The following CDH6 variants were observed in gnomAD, a reference collection of about 807,000 sequenced individuals.
CDH6 encodes cadherin-6.
CDH6 carries 31 observed loss-of-function variants against 78.0 expected under a neutral mutation model. That is an observed-to-expected ratio of 0.40 (90% CI 0.30 to 0.54). CDH6 has a LOEUF of 0.54. CDH6 is among the 20% of genes least tolerant of loss of function. CDH6 has a pLI of 0.56. For missense variants in CDH6, 724 were observed against 975.9 expected, an observed-to-expected ratio of 0.74 and a Z score of 3.44; for synonymous variants, 376 against 368.8, an observed-to-expected ratio of 1.02 and a Z score of -0.23.
chr5:31,325,343 C>CGTGT lies in CDH6; in HGVS notation c.*2035_*2036insGTGT, dbSNP rs1427901398. 4 of 232,188 alleles carry CGTGT rather than the reference C, an allele frequency of 1.7e-5. No individual in the cohort carries two copies. The highest frequency in any genetic ancestry group is 8.9e-5 in the African/African-American group (4 of 45,166). 14.4% of individuals were successfully genotyped at this position (232,188 alleles called of 1,614,324 possible). A position where few individuals can be genotyped will look rare whatever the true frequency, so the allele number is the denominator to read the frequency against. ...ACATACACACACACACACACACACA[C>CGTGT]ACACACACACACGAATGCAAACAAA... On this transcript the variant is annotated 3_prime_UTR_variant, in exon 12 of 12. Transcript: ENST00000265071.
chr5:31,247,237 A>T (rs544987527), intron 1 of CDH6, among the ~76,000 whole-genome samples: 2 of 152,338 alleles, frequency 1.3e-5, no homozygotes, highest in African/African-American at 2.4e-5. Context: ...GCTAGTAGGT[A>T]TCTGCTCCTC....
intron 1 of CDH6, among the ~76,000 whole-genome samples, chr5:31,263,214 T>C (rs1377575175): frequency 6.6e-6 from 1 of 151,562 alleles, no homozygotes; most frequent in East Asian, 1.9e-4. Context: ...TAGTATCACA[T>C]GGTGAGGGGG....
intron 2 of CDH6, among the ~76,000 whole-genome samples, chr5:31,276,193 AAAG>A (rs1431258795): frequency 3.9e-5 from 6 of 152,170 alleles, no homozygotes; most frequent in Non-Finnish European, 7.3e-5. Flanking sequence ...TGAAGATCAA[AAAG>A]AAGTACAGAA....
intron 2 of CDH6, among the ~76,000 whole-genome samples, chr5:31,278,182 CA>C (rs1742751723): frequency 6.6e-6 from 1 of 152,228 alleles, no homozygotes; most frequent in African/African-American, 2.4e-5. Flanking sequence ...ATTAGCTTAA[CA>C]ATGGAAAATC....
chr5:31,289,289 A>G (rs1331071718), intron 2 of CDH6, among the ~76,000 whole-genome samples: 2 of 152,170 alleles, frequency 1.3e-5, no homozygotes, highest in Admixed American at 6.5e-5. Context: ...TGTTACTGCA[A>G]AGGACATGAT....
chr5:31,250,690 C>T, intron 1 of CDH6: 1 of 152,776 alleles, frequency 6.5e-6, no homozygotes, highest in Non-Finnish European at 1.5e-5. Context: ...GCAGTGGTGG[C>T]ACAAGGGGCC....
intron 1 of CDH6, among the ~76,000 whole-genome samples, chr5:31,211,337 T>C (rs1023050283): frequency 1.3e-5 from 2 of 152,106 alleles, no homozygotes; most frequent in African/African-American, 4.8e-5. Flanking sequence ...TGTTCTGAAG[T>C]GCTTCTTAAG....
At chr5:31,302,848 GAA>G (rs1445540542) in intron 6 of CDH6, among the ~76,000 whole-genome samples, 3 of 131,526 alleles carry the variant, frequency 2.3e-5, no homozygotes, top group Admixed American at 7.8e-5. Flanking sequence ...AAGAAAGAAA[GAA>G]AGAGAAAGAA....
chr5:31,300,159 A>G (rs1737727585), intron 5 of CDH6, among the ~76,000 whole-genome samples: 1 of 152,240 alleles, frequency 6.6e-6, no homozygotes, highest in Non-Finnish European at 1.5e-5. Flanking sequence ...TGTCTCCAAA[A>G]TCATTAACTC....
At chr5:31,321,424 C>G (rs1330838998) in intron 11 of CDH6, among the ~76,000 whole-genome samples, 1 of 152,072 alleles carries the variant, frequency 6.6e-6, no homozygotes, top group Non-Finnish European at 1.5e-5. Context: ...TTAGTCTGAC[C>G]AACCTGAATT....
intron 2 of CDH6, among the ~76,000 whole-genome samples, chr5:31,282,401 C>T (rs1343977300): frequency 6.6e-6 from 1 of 152,068 alleles, no homozygotes; most frequent in East Asian, 1.9e-4. Flanking sequence ...CTCTCTCTTT[C>T]TCTCTTCCTC....
At chr5:31,305,919 G>C (rs1047250576) in intron 7 of CDH6, among the ~76,000 whole-genome samples, 3 of 152,042 alleles carry the variant, frequency 2.0e-5, no homozygotes, top group African/African-American at 7.2e-5. Flanking sequence ...TGGATACACA[G>C]GGCTGACTGA....
chr5:31,267,506 T>C lies in CDH6; in HGVS notation c.33T>C (p.Phe11=). MRTYRYFLLL[F]WVGQPYPTLS... ...CTTACCGCTACTTCTTGCTGCTCTT[T>C]TGGGTGGGCCAGCCCTACCCAACTC... Residue 11 remains phenylalanine, a synonymous_variant, in exon 2 of 12, where the codon TTT becomes TTC. Coordinates refer to ENST00000265071, the MANE Select transcript of CDH6 (RefSeq NM_004932.4). The C allele has an allele frequency of 1.2e-6, 2 of 1,614,050 alleles. No homozygotes were observed. Among genetic ancestry groups the C allele is most frequent in the Non-Finnish European group, 1.7e-6 (2 of 1,180,012 alleles).
intron 2 of CDH6, among the ~76,000 whole-genome samples, chr5:31,268,528 A>G (rs1355852823): frequency 6.6e-6 from 1 of 152,218 alleles, no homozygotes; most frequent in African/African-American, 2.4e-5. Context: ...CTGCATACTG[A>G]AAAGATGTCA....
At chr5:31,217,647 A>G (rs1740903759) in intron 1 of CDH6, among the ~76,000 whole-genome samples, 1 of 152,124 alleles carries the variant, frequency 6.6e-6, no homozygotes, top group African/African-American at 2.4e-5. Context: ...CCCTAACCTC[A>G]AAGAACTGAA....
chr5:31,245,943 C>T (rs1054000072), intron 1 of CDH6, among the ~76,000 whole-genome samples: 3 of 122,698 alleles, frequency 2.4e-5, no homozygotes, highest in Non-Finnish European at 3.2e-5. Context: ...GAGTTTTGCT[C>T]GTCACCCAGG....
rs1362860998 is a variant in CDH6, at chr5:31,324,604, G to A, written c.*1296G>A. Reference sequence around the variant, plus strand: ...TCAAAAGCATTAATTTTTTTTCATTGTTTTTAACTTTGCTTTCATGACCAT... The same window carrying A: ...TCAAAAGCATTAATTTTTTTTCATTATTTTTAACTTTGCTTTCATGACCAT... On this transcript the variant is annotated 3_prime_UTR_variant, in exon 12 of 12. Transcript: ENST00000265071. 4.7e-6 allele frequency: 1 copy of A among 211,204 alleles called. No homozygotes were observed. The highest frequency in any genetic ancestry group is 9.6e-6 in the Non-Finnish European group (1 of 104,352). The allele number at this position is 211,204 out of a possible 1,614,324, so 13.1% of individuals were successfully genotyped here.
At chr5:31,209,900 G>A (rs753834639) in intron 1 of CDH6, among the ~76,000 whole-genome samples, 29 of 150,502 alleles carry the variant, frequency 1.9e-4, no homozygotes, top group Non-Finnish European at 2.8e-4. Flanking sequence ...TTTTTGTCTA[G>A]TAGAAAAGAG....
intron 1 of CDH6, among the ~76,000 whole-genome samples, chr5:31,246,733 GTTTT>G: frequency 6.9e-6 from 1 of 144,828 alleles, no homozygotes; most frequent in African/African-American, 2.9e-5. Flanking sequence ...AGTTTTTTGT[GTTTT>G]GTTTTTTGTT....
Sources: allele counts gnomAD v4.1 joint callset (sites outside exome capture counted in the v4.1 genomes callset), GRCh38; gene constraint gnomAD v4.1.1; transcripts MANE v1.5; gene names NCBI Gene and HGNC (gene_info 2026-07-23, HGNC 2026-07-21).